Variants in UCP2 observed in about 807,000 individuals in gnomAD.
The protein encoded by UCP2 is dicarboxylate carrier SLC25A8.
In UCP2, 27 loss-of-function variants were observed where a neutral mutation model predicts 31.3. The ratio of observed to expected loss-of-function variants is 0.86; its 90% CI spans 0.64 to 1.19. The LOEUF is 1.19. Among genes scored for constraint, UCP2 ranks in the 50% most tolerant of loss-of-function variants. The probability of loss-of-function intolerance (pLI) is 0.00; values close to 1 mark genes in which losing one functional copy is unlikely to be tolerated. For missense variants in UCP2, 377 were observed against 413.5 expected (o/e 0.91, Z 0.76); for synonymous variants, 142 against 157.4 (o/e 0.90, Z 0.73).
chr11:73,975,709 A>C (rs1324829863), intron 6 of UCP2, 38 bp from the exon 7 acceptor site: 1 of 1,612,164 alleles, frequency 6.2e-7, no homozygotes, highest in East Asian at 2.2e-5. Context: ...CAAGATCTTC[A>C]CCCATCATTC....
chr11:73,977,093 C>A, intron 4 of UCP2, 76 bp from the exon 5 acceptor site: 2 of 1,450,702 alleles, frequency 1.4e-6, no homozygotes, highest in Non-Finnish European at 1.9e-6. Context: ...ACCAAAACCA[C>A]CCTGTCACTG....
chr11:73,981,230 C>T (rs1951449934), intron 2 of UCP2: 1 of 152,218 alleles, frequency 6.6e-6, no homozygotes, highest in Admixed American at 6.5e-5. Flanking sequence ...GGGCCAATCA[C>T]TGTTACACGT....
rs1409363936 is a variant in UCP2, at chr11:73,981,563, G to A, written c.-187C>T. 1 of 152,208 alleles carries A rather than the reference G, an allele frequency of 6.6e-6. No homozygotes were observed. Among genetic ancestry groups the A allele is most frequent in the Non-Finnish European group, 1.5e-5 (1 of 68,066 alleles). 9.4% of individuals were successfully genotyped at this position (152,208 alleles called of 1,614,324 possible). ...CTTCAAAGCTGCCAGTGGCTATCATGGCCCGATCCCCTTGGTTTTCCATAG... is the reference window on the plus strand; with the variant it reads ...CTTCAAAGCTGCCAGTGGCTATCATAGCCCGATCCCCTTGGTTTTCCATAG... On this transcript the variant is annotated 5_prime_UTR_variant, in exon 2 of 8. Coordinates refer to ENST00000663595, the MANE Select transcript of UCP2 (RefSeq NM_003355.3).
In UCP2 at chr11:73,974,876, G is replaced by A. The variant is rs924435341; in HGVS notation, c.*131C>T. 3 of 818,044 alleles carry A rather than the reference G, an allele frequency of 3.7e-6. No individual in the cohort carries two copies. Among genetic ancestry groups the A allele is most frequent in the African/African-American group, 3.4e-5 (2 of 58,554 alleles). 50.7% of individuals were successfully genotyped at this position (818,044 alleles called of 1,614,324 possible). ...AGAAAGAGGGAAGGTGGTAGGTAAA[G>A]GAGCGGAAGGAAGAGGTGGGGAAAG... On this transcript the variant is annotated 3_prime_UTR_variant, in exon 8 of 8. Transcript: ENST00000663595.
chr11:73,976,797 G>C, intron 5 of UCP2, 26 bp downstream of exon 5: 2 of 1,614,254 alleles, frequency 1.2e-6, no homozygotes, highest in Non-Finnish European at 1.7e-6. Context: ...GGAGGAAAAG[G>C]GGAAGGGAAA....
At chr11:73,975,182 C>G in intron 7 of UCP2, 61 bp from the exon 8 acceptor site, 1 of 1,441,444 alleles carries the variant, frequency 6.9e-7, no homozygotes, top group Non-Finnish European at 9.6e-7. Flanking sequence ...CTCACTGGGC[C>G]TGGTATTCAA....
At chr11:73,976,093 A>G (rs1591219014) in intron 6 of UCP2, among the ~76,000 whole-genome samples, 2 of 152,144 alleles carry the variant, frequency 1.3e-5, no homozygotes, top group Admixed American at 1.3e-4. Context: ...GATGGGGCGC[A>G]GAGGCTCACA....
At chr11:73,975,867 C>T (rs1951335488) in intron 6 of UCP2, among the ~76,000 whole-genome samples, 196 bp from the exon 7 acceptor site, 1 of 152,116 alleles carries the variant, frequency 6.6e-6, no homozygotes, top group African/African-American at 2.4e-5. Context: ...AGTTCAAGAC[C>T]AGACTGGGTA....
At position 73,976,598 on chromosome 11, in the gene UCP2, TG is replaced by T. The variant is rs757798997; in HGVS notation, c.634+42del. 20 of 1,509,284 alleles carry T rather than the reference TG, an allele frequency of 1.3e-5. No homozygotes were observed. The East Asian group carries it at 4.5e-4, about 34-fold the overall frequency. The allele number at this position is 1,509,284 out of a possible 1,614,324, so 93.5% of individuals were successfully genotyped here. A position where few individuals can be genotyped will look rare whatever the true frequency, so the allele number is the denominator to read the frequency against. On this transcript the variant is annotated intron_variant, in intron 6 of 7. Transcript: ENST00000663595. ...TAGACCCCCGCACCTGCTCCTGGCATGGGGGAAGGGTGAGACCCAGCACCGT... is the reference window on the plus strand; with the variant it reads ...TAGACCCCCGCACCTGCTCCTGGCATGGGGAAGGGTGAGACCCAGCACCGT...
At chr11:73,979,032 A>G (rs975304050) in intron 2 of UCP2, among the ~76,000 whole-genome samples, 2 of 152,248 alleles carry the variant, frequency 1.3e-5, no homozygotes, top group African/African-American at 4.8e-5. Flanking sequence ...CACACAGCTT[A>G]GGATCTCTAG....
At position 73,978,069 on chromosome 11, in the gene UCP2, G is replaced by T. The variant is rs781271646; in HGVS notation, c.154C>A (p.Arg52Ser). The change falls in exon 4 of 8, where the codon CGC (arginine) becomes AGC (serine). Residue 52 changes from arginine (R) to serine (S), a missense_variant. By Grantham distance (110) the Arg-to-Ser change is moderately radical. Coordinates refer to ENST00000663595, the MANE Select transcript of UCP2 (RefSeq NM_003355.3). Reference protein sequence around the residue: ...QIQGESQGPVRATASAQYRGV... With the variant: ...QIQGESQGPVSATASAQYRGV... ...CGGTACTGGGCGCTGGCTGTAGCGC[G>T]CACTGGCCCCTGACTTTCTCCTTGG... The T allele has an allele frequency of 8.1e-6, 13 of 1,613,986 alleles. No homozygotes were observed. In the African/African-American group the frequency reaches 1.3e-4, roughly 17 times the overall value.
Position 73,976,887 on chromosome 11 carries a change from G to T in UCP2, c.468C>A (p.Tyr156Ter). 1 of 1,614,184 alleles carries T rather than the reference G, an allele frequency of 6.2e-7. No individual in the cohort carries two copies. The highest frequency in any genetic ancestry group is 8.5e-7 in the Non-Finnish European group (1 of 1,180,022). Residue 156 changes from tyrosine to a stop codon, truncating the protein, a stop_gained, in exon 5 of 8, where the codon TAC (tyrosine) becomes TAA (stop). Transcript: ENST00000663595. LOFTEE classifies it high-confidence loss of function. ...TCTTGTAGGCATTGACGGTGCTTTG[G>T]TATCTCCGACCACCTCCAGCCCGGG... ...AQARAGGGRRYQSTVNAYKTI... is the reference protein window; with the variant it reads ...AQARAGGGRR
At position 73,976,690 on chromosome 11, in the gene UCP2, C is replaced by T; in HGVS notation, c.585G>A (p.Val195=). 1 of 1,614,136 alleles carries T rather than the reference C, an allele frequency of 6.2e-7. No individual in the cohort carries two copies. The highest frequency in any genetic ancestry group is 8.5e-7 in the Non-Finnish European group (1 of 1,180,026). The part of the protein sequence containing the change: ...RNAIVNCAEL[V]TYDLIKDALL... Reference sequence around the variant, plus strand: ...GGGCATCCTTGATGAGGTCATAGGTCACCAGCTCAGCACAGTTGACAATGG... The same window carrying T: ...GGGCATCCTTGATGAGGTCATAGGTTACCAGCTCAGCACAGTTGACAATGG... Residue 195 remains valine (V), a synonymous_variant, in exon 6 of 8, where the codon GTG becomes GTA. Coordinates refer to ENST00000663595, the MANE Select transcript of UCP2 (RefSeq NM_003355.3).
chr11:73,982,173 G>A (rs912298736), intron 1 of UCP2, among the ~76,000 whole-genome samples: 17 of 152,362 alleles, frequency 1.1e-4, no homozygotes, highest in South Asian at 2.1e-4. Context: ...GCTCGGCATC[G>A]TGGTGGAAAG....
At chr11:73,975,806 A>G in intron 6 of UCP2, 135 bp from the exon 7 acceptor site, 1 of 1,112,040 alleles carries the variant, frequency 9.0e-7, no homozygotes, top group African/African-American at 2.3e-5. Context: ...TCATGCCTGT[A>G]ATCCAGGACT....
rs1040042791 is a variant in UCP2 at position 73,978,471 on chromosome 11, C to T, written c.-93G>A. 5 of 1,565,616 alleles carry T rather than the reference C, an allele frequency of 3.2e-6. No homozygotes were observed. The African/African-American group carries it at 5.4e-5, about 17-fold the overall frequency. The stretch of plus-strand genomic sequence containing the variant: ...AACAAGACGAGATAGAGGAACTCTG[C>T]CGGAATCTAAGCCAAGAGGAGAAAA... On this transcript the variant is annotated 5_prime_UTR_variant, in exon 3 of 8. Transcript: ENST00000663595.
rs1234639536 is a variant in UCP2, at chr11:73,982,790, G to A, written c.-326C>T. The A allele has an allele frequency of 6.6e-6, 1 of 152,632 alleles. No individual in the cohort carries two copies. Among genetic ancestry groups the A allele is most frequent in the Non-Finnish European group, 1.5e-5 (1 of 68,408 alleles). The allele number at this position is 152,632 out of a possible 1,614,324, so 9.5% of individuals were successfully genotyped here. A position where few individuals can be genotyped will look rare whatever the true frequency, so the allele number is the denominator to read the frequency against. ...GGCTGGCGGAGGGCGCGTCGGACGA[G>A]CCGGGCGAGCGTGGACAGTCAATCC... On this transcript the variant is annotated 5_prime_UTR_variant, in exon 1 of 8. Coordinates refer to ENST00000663595, the MANE Select transcript of UCP2 (RefSeq NM_003355.3).
Position 73,975,013 on chromosome 11 carries a change from G to A in UCP2, c.924C>T (p.Pro308=). 6.2e-7 allele frequency: 1 copy of A among 1,611,216 alleles called. No individual in the cohort carries two copies. Among genetic ancestry groups the A allele is most frequent in the African/African-American group, 1.3e-5 (1 of 74,908 alleles). The change falls in exon 8 of 8, where the codon CCC becomes CCT. Residue 308 remains proline (P), a synonymous_variant. Transcript: ENST00000663595. ...LMAACTSREA[P]F is the part of the protein sequence containing the mutation. ...GGTCAGCAGCAGGAGAGGCTCAGAA[G>A]GGAGCCTCTCGGGAAGTGCAGGCAG... is the stretch of plus-strand genomic sequence containing the variant.
intron 6 of UCP2, among the ~76,000 whole-genome samples, chr11:73,976,193 C>T (rs962885872): frequency 6.6e-6 from 1 of 152,122 alleles, no homozygotes; most frequent in Non-Finnish European, 1.5e-5. Context: ...GGTGAAACTC[C>T]ATCTCTACTA....
Sources: allele counts gnomAD v4.1 joint callset (sites outside exome capture counted in the v4.1 genomes callset), GRCh38; gene constraint gnomAD v4.1.1; transcripts MANE v1.5; gene names NCBI Gene and HGNC (gene_info 2026-07-23, HGNC 2026-07-21).